Variants in MKRN2OS observed in about 807,000 individuals in gnomAD.
MKRN2OS encodes the protein MKRN2 opposite strand.
In MKRN2OS, 17 loss-of-function variants were observed where a neutral mutation model predicts 18.2. The ratio of observed to expected loss-of-function variants is 0.93; its 90% CI spans 0.64 to 1.40. The LOEUF is 1.40. Among genes scored for constraint, MKRN2OS ranks in the 40% most tolerant of loss-of-function variants. The pLI, the probability that MKRN2OS is intolerant of heterozygous loss-of-function variation, is 0.00. For missense variants in MKRN2OS, 337 were observed against 283.0 expected (o/e 1.19, Z -1.37); for synonymous variants, 121 against 108.5 (o/e 1.12, Z -0.72).
intron 2 of MKRN2OS, among the ~76,000 whole-genome samples, 163 bp from the exon 3 acceptor site, chr3:12,542,185 C>T (rs2057824106): frequency 6.6e-6 from 1 of 152,172 alleles, no homozygotes; most frequent in South Asian, 2.1e-4. Flanking sequence ...TTAGATTTGC[C>T]TACAGTCATG....
At chr3:12,557,290 C>G in intron 1 of MKRN2OS, 1 of 1,375,218 alleles carries the variant, frequency 7.3e-7, no homozygotes. Flanking sequence ...CGGAAAGTTA[C>G]TCGGCTGTTC....
upstream of MKRN2OS, among the ~76,000 whole-genome samples, chr3:12,547,079 G>A (rs779186909): frequency 2.0e-5 from 3 of 151,970 alleles, no homozygotes; most frequent in Non-Finnish European, 4.4e-5. Context: ...CTGTGCTCTA[G>A]CCTGGGCGAC....
chr3:12,548,850 A>C (rs568930148), upstream of MKRN2OS, among the ~76,000 whole-genome samples: 1 of 152,180 alleles, frequency 6.6e-6, no homozygotes, highest in South Asian at 2.1e-4. Flanking sequence ...CCTTTTCTCT[A>C]TCTTAATCTT....
At chr3:12,548,898 A>G (rs1426179541), upstream of MKRN2OS, among the ~76,000 whole-genome samples, 1 of 152,124 alleles carries the variant, frequency 6.6e-6, no homozygotes, top group Non-Finnish European at 1.5e-5. Context: ...AACTACATAA[A>G]TTGTAGTTTT....
intron 1 of MKRN2OS, among the ~76,000 whole-genome samples, chr3:12,544,259 G>A (rs149268810): frequency 1.3e-3 from 205 of 152,328 alleles, no homozygotes; most frequent in African/African-American, 4.7e-3. Flanking sequence ...TTAGACTAAT[G>A]ATACGCAGGA....
At chr3:12,540,480 C>T in intron 3 of MKRN2OS, 47 bp from the exon 4 acceptor site, 2 of 1,534,216 alleles carry the variant, frequency 1.3e-6, no homozygotes, top group Non-Finnish European at 1.7e-6. Context: ...CTGCTCAGAA[C>T]AGGCTGTCAA....
At position 12,541,967 on chromosome 3, in the gene MKRN2OS, T is replaced by C; in HGVS notation, c.324A>G (p.Glu108=). 1.3e-6 allele frequency: 2 copies of C among 1,536,086 alleles called. No homozygotes were observed. Among genetic ancestry groups the C allele is most frequent in the Non-Finnish European group, 1.7e-6 (2 of 1,146,896 alleles). Residue 108 remains glutamate (E), a synonymous_variant, in exon 3 of 4, where the codon GAA becomes GAG. Coordinates refer to ENST00000564146, the MANE Select transcript of MKRN2OS (RefSeq NM_001195279.2). ...HGVQRDGEGW[E]ESISIPLLQP... is the part of the protein sequence containing the mutation. ...GCAGTAATGGGATGCTTATGCTCTC[T>C]TCCCACCCTTCTCCGTCTCGCTGGA...
At chr3:12,542,711 T>TAAAAAAAAAAAAAAAA (rs544900301) in intron 2 of MKRN2OS, among the ~76,000 whole-genome samples, 1 of 109,072 alleles carries the variant, frequency 9.2e-6, no homozygotes. Flanking sequence ...TCACTTTCCT[T>TAAAAAAAAAAAAAAAA]AAAAAAAAAA....
At chr3:12,541,726 A>G in intron 3 of MKRN2OS, 134 bp downstream of exon 3, 2 of 951,546 alleles carry the variant, frequency 2.1e-6, no homozygotes, top group South Asian at 3.7e-5. Context: ...ATTCTGTTAG[A>G]GATGCTAATA....
chr3:12,548,468 AAAAAAAAAAAAAAAC>A (rs752338743), upstream of MKRN2OS, among the ~76,000 whole-genome samples: 2,172 of 120,206 alleles, frequency 0.018, 65 homozygotes, highest in Non-Finnish European at 0.023. Flanking sequence ...AAAAAAAAAA[AAAAAAAAAAAAAAAC>A]CAGCCGAGCG....
At chr3:12,542,711 T>TAAA (rs544900301) in intron 2 of MKRN2OS, among the ~76,000 whole-genome samples, 25 of 109,064 alleles carry the variant, frequency 2.3e-4, no homozygotes, top group South Asian at 6.2e-4. Flanking sequence ...TCACTTTCCT[T>TAAA]AAAAAAAAAA....
chr3:12,542,161 C>T, intron 2 of MKRN2OS, 139 bp from the exon 3 acceptor site: 1 of 859,550 alleles, frequency 1.2e-6, no homozygotes, highest in South Asian at 1.9e-5. Flanking sequence ...AATCTTCCAT[C>T]CACCTAATGA....
At chr3:12,546,575 A>ATTTTTTTTTTTTTTTTTTTTT (rs1160434615), upstream of MKRN2OS, among the ~76,000 whole-genome samples, 3 of 97,130 alleles carry the variant, frequency 3.1e-5, no homozygotes, top group African/African-American at 1.4e-4. Context: ...GGTACATGGG[A>ATTTTTTTTTTTTTTTTTTTTT]TTTTTTTTTT....
In MKRN2OS at chr3:12,540,244, A is replaced by G; in HGVS notation, c.621T>C (p.Thr207=). The change falls in exon 4 of 4, where the codon ACT becomes ACC. Residue 207 remains threonine (T), a synonymous_variant. Transcript: ENST00000564146. ...GTTGTGCCTGCTGCTGGGGACAGTC[A>G]GTGACGTAGAAGCCATGCTCCCGTA... The part of the protein sequence containing the change: ...RAIREHGFYV[T]DCPQQQAQPP... 2.6e-6 allele frequency: 4 copies of G among 1,536,140 alleles called. No individual in the cohort carries two copies. The highest frequency in any genetic ancestry group is 3.5e-6 in the Non-Finnish European group (4 of 1,146,908).
chr3:12,543,187 G>A lies in MKRN2OS; in HGVS notation c.261C>T (p.Asn87=). Residue 87 remains asparagine (N), a synonymous_variant, in exon 2 of 4, where the codon AAC becomes AAT. Coordinates refer to ENST00000564146, the MANE Select transcript of MKRN2OS (RefSeq NM_001195279.2). The part of the protein sequence containing the change: ...GRSDLHVGIT[N]TNGVVYNYSA... The stretch of plus-strand genomic sequence containing the variant: ...CTACAAAACTGCACTTACCATTTGT[G>A]TTAGTTATTCCAACATGAAGATCAG... 3 of 1,535,676 alleles carry A rather than the reference G, an allele frequency of 2.0e-6. No individual in the cohort carries two copies. The highest frequency in any genetic ancestry group is 2.6e-6 in the Non-Finnish European group (3 of 1,146,642).
downstream of MKRN2OS, among the ~76,000 whole-genome samples, chr3:12,551,253 G>A (rs2057927483): frequency 6.6e-6 from 1 of 151,804 alleles, no homozygotes; most frequent in Admixed American, 6.6e-5. Context: ...AGCACTTTGG[G>A]AGGCTGAGGT....
intron 1 of MKRN2OS, among the ~76,000 whole-genome samples, chr3:12,560,535 G>T (rs1017269969): frequency 2.0e-5 from 3 of 150,502 alleles, no homozygotes; most frequent in African/African-American, 7.3e-5. Context: ...ACTTGGAAGT[G>T]ATTTGCAAAA....
chr3:12,550,591 A>G (rs572774712), downstream of MKRN2OS, among the ~76,000 whole-genome samples: 2 of 152,182 alleles, frequency 1.3e-5, no homozygotes, highest in Non-Finnish European at 2.9e-5. Context: ...GTCCTCCAAA[A>G]TGCCCACTTG....
chr3:12,541,797 A>G (rs1228988627), intron 3 of MKRN2OS, 63 bp downstream of exon 3: 1 of 1,482,562 alleles, frequency 6.7e-7, no homozygotes, highest in African/African-American at 1.4e-5. Context: ...CTGAGGCTAC[A>G]CGGGGATCCC....
Sources: allele counts gnomAD v4.1 joint callset (sites outside exome capture counted in the v4.1 genomes callset), GRCh38; gene constraint gnomAD v4.1.1; transcripts MANE v1.5; gene names NCBI Gene and HGNC (gene_info 2026-07-23, HGNC 2026-07-21).